The following SLC22A25 variants were observed in gnomAD, a reference collection of about 807,000 sequenced individuals.
The protein encoded by SLC22A25 is solute carrier family 22 member 25, also known as MGI:2442751, MGI:2385316, MGI:3042283, MGI:3645714, MGI:3605624, MGI:2442750.
In SLC22A25, 44 loss-of-function variants were observed where a neutral mutation model predicts 45.9. That is an observed-to-expected ratio of 0.96 (90% CI 0.75 to 1.23). The LOEUF is 1.23. Ranked by LOEUF, SLC22A25 falls within the 50% of genes most tolerant of loss-of-function variation. The probability of loss-of-function intolerance (pLI) is 0.00; values close to 1 mark genes in which losing one functional copy is unlikely to be tolerated. For synonymous variants in SLC22A25, 283 were observed against 238.6 expected, an observed-to-expected ratio of 1.19 and a Z score of -1.72; for missense variants, 800 against 666.4, an observed-to-expected ratio of 1.20 and a Z score of -2.21.
At chr11:63,191,410 G>A (rs1318014056) in intron 7 of SLC22A25, among the ~76,000 whole-genome samples, 1 of 152,184 alleles carries the variant, frequency 6.6e-6, no homozygotes, top group African/African-American at 2.4e-5. Context: ...CAGTATTAGG[G>A]TGGGAGTGAC....
chr11:63,218,001 CT>C, intron 5 of SLC22A25: 1 of 605,792 alleles, frequency 1.7e-6, no homozygotes, highest in South Asian at 1.6e-5. Context: ...GTAAGACAGG[CT>C]GGGATGTTGA....
intron 9 of SLC22A25, among the ~76,000 whole-genome samples, chr11:63,170,234 C>A (rs1162212578): frequency 1.3e-5 from 2 of 151,968 alleles, no homozygotes; most frequent in Admixed American, 6.6e-5. Context: ...AATCGATACC[C>A]TAACATCACA....
rs1242095564 is a variant in SLC22A25 at position 63,166,035 on chromosome 11, T to G, written c.1285+9A>C. The G allele has an allele frequency of 6.2e-7, 1 of 1,612,402 alleles. No individual in the cohort carries two copies. The highest frequency in any genetic ancestry group is 8.5e-7 in the Non-Finnish European group (1 of 1,178,770). On this transcript the variant is annotated intron_variant, in intron 10 of 11. Coordinates refer to ENST00000306494, the MANE Select transcript of SLC22A25 (RefSeq NM_199352.6). ...CATTTTCTTTCTTCCACCTGTGAAC[T>G]TTTCTCACCTTGAGGCACAAATATG...
intron 9 of SLC22A25, among the ~76,000 whole-genome samples, chr11:63,168,803 G>A (rs945910705): frequency 3.9e-5 from 6 of 152,048 alleles, no homozygotes; most frequent in African/African-American, 1.5e-4. Context: ...TACAATTTCA[G>A]GATATACAGA....
chr11:63,205,807 G>C (rs1243509858), intron 7 of SLC22A25, among the ~76,000 whole-genome samples: 1 of 151,568 alleles, frequency 6.6e-6, no homozygotes, highest in Non-Finnish European at 1.5e-5. Flanking sequence ...CATTTTATGA[G>C]GCCAGCATCA....
chr11:63,190,143 C>G (rs1044039188), intron 7 of SLC22A25, among the ~76,000 whole-genome samples: 29 of 152,196 alleles, frequency 1.9e-4, no homozygotes, highest in Admixed American at 1.9e-3. Flanking sequence ...AGAGTGTTTT[C>G]CAACTTCATT....
At chr11:63,240,273 A>G (rs1221730763) in intron 1 of SLC22A25, among the ~76,000 whole-genome samples, 2 of 152,196 alleles carry the variant, frequency 1.3e-5, no homozygotes, top group African/African-American at 4.8e-5. Flanking sequence ...GCTCTGGGTG[A>G]GTCAGTGTGT....
chr11:63,221,528 T>G (rs868320409), intron 5 of SLC22A25, among the ~76,000 whole-genome samples: 17 of 152,298 alleles, frequency 1.1e-4, no homozygotes, highest in Non-Finnish European at 2.1e-4. Flanking sequence ...TTCTGGTTAT[T>G]AATCCCTTAT....
At chr11:63,198,082 T>C (rs1012335757) in intron 7 of SLC22A25, among the ~76,000 whole-genome samples, 1 of 152,200 alleles carries the variant, frequency 6.6e-6, no homozygotes, top group African/African-American at 2.4e-5. Flanking sequence ...CCACAGGTGC[T>C]GGAGAGAATG....
At chr11:63,169,791 T>C (rs2087814804) in intron 9 of SLC22A25, among the ~76,000 whole-genome samples, 1 of 152,208 alleles carries the variant, frequency 6.6e-6, no homozygotes, top group Non-Finnish European at 1.5e-5. Context: ...GGACTTGAAC[T>C]CAACTCTGGA....
At chr11:63,204,725 C>A (rs576316856) in intron 7 of SLC22A25, among the ~76,000 whole-genome samples, 1 of 152,218 alleles carries the variant, frequency 6.6e-6, no homozygotes, top group South Asian at 2.1e-4. Flanking sequence ...GACTTTAACA[C>A]CCCACTGTCA....
chr11:63,231,452 T>C (rs1038713841), intron 3 of SLC22A25, among the ~76,000 whole-genome samples: 1 of 152,240 alleles, frequency 6.6e-6, no homozygotes, highest in African/African-American at 2.4e-5. Context: ...ATGTCTTCTT[T>C]TGAGAAGCAT....
chr11:63,188,427 C>G (rs2134748420), intron 7 of SLC22A25, among the ~76,000 whole-genome samples: 1 of 151,884 alleles, frequency 6.6e-6, no homozygotes, highest in South Asian at 2.1e-4. Context: ...CTATTTGATT[C>G]TTCTCTCTTT....
chr11:63,196,039 C>T (rs1386350749), intron 7 of SLC22A25, among the ~76,000 whole-genome samples: 4 of 152,222 alleles, frequency 2.6e-5, no homozygotes, highest in African/African-American at 9.6e-5. Flanking sequence ...TCCACCCTCC[C>T]AAGACTAAAC....
chr11:63,210,996 C>T (rs1315998109), intron 7 of SLC22A25, among the ~76,000 whole-genome samples: 3 of 151,998 alleles, frequency 2.0e-5, no homozygotes, highest in Non-Finnish European at 2.9e-5. Flanking sequence ...GGGTATTGAC[C>T]CTGACTGTCC....
In SLC22A25 at chr11:63,217,910, T is replaced by C. The variant is rs528677829; in HGVS notation, c.507-175A>G. Among the ~76,000 whole-genome samples the C allele has an allele frequency of 2.0e-5, 3 of 152,352 alleles. No individual in the cohort carries two copies. The South Asian group carries it at 6.2e-4, about 32-fold the overall frequency. ...AGGTCTTCTCAGAAGGAATGTTCTC[T>C]GTTTGTAAATAGATACTGAGTGTAT... On this transcript the variant is annotated intron_variant, in intron 5 of 11. Coordinates refer to ENST00000306494, the MANE Select transcript of SLC22A25 (RefSeq NM_199352.6).
intron 7 of SLC22A25, among the ~76,000 whole-genome samples, chr11:63,198,829 C>CA (rs1232192747): frequency 8.6e-5 from 13 of 152,038 alleles, no homozygotes; most frequent in Non-Finnish European, 2.9e-5. Context: ...GAAATTATGG[C>CA]AGAAATCAAG....
chr11:63,172,151 G>A (rs141898040), intron 9 of SLC22A25, among the ~76,000 whole-genome samples: 1,911 of 152,146 alleles, frequency 0.013, 22 homozygotes, highest in African/African-American at 0.031. Flanking sequence ...AACTCAAGAT[G>A]GATAAAAGAC....
intron 7 of SLC22A25, among the ~76,000 whole-genome samples, chr11:63,216,320 C>T (rs1437646348): frequency 1.3e-5 from 2 of 152,072 alleles, no homozygotes; most frequent in Non-Finnish European, 2.9e-5. Context: ...GTGGTGATTC[C>T]TCAAAGACCT....
Sources: gnomAD v4.1 joint callset for allele counts (sites outside exome capture counted in the v4.1 genomes callset) on GRCh38, gnomAD v4.1.1 for gene constraint, MANE v1.5 for transcripts, NCBI Gene and HGNC (gene_info 2026-07-23, HGNC 2026-07-21) for gene names.